The following CACNA2D2 variants were observed in gnomAD, a reference collection of about 807,000 sequenced individuals.
CACNA2D2 encodes the protein voltage-dependent calcium channel subunit alpha-2/delta-2.
In CACNA2D2, 48 loss-of-function variants were observed where a neutral mutation model predicts 166.4. The ratio of observed to expected loss-of-function variants is 0.29; its 90% confidence interval spans 0.23 to 0.37. The LOEUF is 0.37. CACNA2D2 is among the 10% of genes least tolerant of loss of function. The pLI is 1.00. For missense variants in CACNA2D2, 1,122 were observed against 1,433.0 expected (o/e 0.78, Z 3.50); for synonymous variants, 561 against 573.7 (o/e 0.98, Z 0.32).
chr3:50,480,177 A>T (rs1224964060), intron 1 of CACNA2D2, among the ~76,000 whole-genome samples: 1 of 151,992 alleles, frequency 6.6e-6, no homozygotes, highest in Admixed American at 6.6e-5. Context: ...ACTTGTCCTG[A>T]CTCCATCTAT....
rs1704584718 is a variant in CACNA2D2, at chr3:50,370,332, A to G, written c.2033T>C (p.Phe678Ser). ...ACACGCAAGCTACCTGGGAGCAATG[A>G]AAACGTGTCCTTCAGACTCAAAGCT... ...PSSFESEGHV[F>S]IAPREYCKDL... is the part of the protein sequence containing the mutation. The change falls in exon 23 of 38, where the codon TTC (phenylalanine) becomes TCC (serine). Residue 678 changes from phenylalanine to serine, a missense_variant. Coordinates refer to ENST00000424201, the MANE Select transcript of CACNA2D2 (RefSeq NM_006030.4). 1.3e-6 allele frequency: 2 copies of G among 1,587,892 alleles called. No individual in the cohort carries two copies. Among genetic ancestry groups the G allele is most frequent in the Non-Finnish European group, 1.7e-6 (2 of 1,167,724 alleles).
intron 6 of CACNA2D2, 91 bp downstream of exon 6, chr3:50,384,105 C>T (rs1705463794): frequency 2.0e-6 from 3 of 1,524,484 alleles, no homozygotes; most frequent in East Asian, 2.3e-5. Context: ...TGGCACTGGC[C>T]TTCTGTCCCC....
At chr3:50,395,121 G>A (rs1706083634) in intron 3 of CACNA2D2, among the ~76,000 whole-genome samples, 1 of 152,206 alleles carries the variant, frequency 6.6e-6, no homozygotes, top group Non-Finnish European at 1.5e-5. Context: ...CTGCAGAGCT[G>A]AGAGCAGTGA....
At chr3:50,396,665 G>C (rs535717446) in intron 3 of CACNA2D2, among the ~76,000 whole-genome samples, 4 of 152,334 alleles carry the variant, frequency 2.6e-5, no homozygotes, top group African/African-American at 7.2e-5. Context: ...AGCACCTGCA[G>C]TACAGCAGGT....
intron 2 of CACNA2D2, among the ~76,000 whole-genome samples, chr3:50,437,047 T>C (rs1276920067): frequency 1.3e-5 from 2 of 152,192 alleles, no homozygotes; most frequent in African/African-American, 4.8e-5. Context: ...ACCTGGCAAA[T>C]GCATATGCTG....
intron 2 of CACNA2D2, among the ~76,000 whole-genome samples, chr3:50,462,920 GGGAAGGAT>G (rs759231034): frequency 6.6e-6 from 1 of 152,072 alleles, no homozygotes; most frequent in Non-Finnish European, 1.5e-5. Context: ...AGGCTGGGAG[GGGAAGGAT>G]AGAAGGATAG....
chr3:50,429,493 C>T (rs1327691414), intron 3 of CACNA2D2, among the ~76,000 whole-genome samples: 1 of 148,878 alleles, frequency 6.7e-6, no homozygotes, highest in Non-Finnish European at 1.5e-5. Context: ...TGGCTCACGC[C>T]AGTAATCCCA....
At chr3:50,388,012 C>T (rs1705698438) in intron 4 of CACNA2D2, among the ~76,000 whole-genome samples, 1 of 152,208 alleles carries the variant, frequency 6.6e-6, no homozygotes, top group African/African-American at 2.4e-5. Context: ...CCGCATCTTC[C>T]AATTTCTTCT....
Position 50,375,975 on chromosome 3 carries a change from C to T in CACNA2D2, c.1761G>A (p.Glu587=), listed in dbSNP as rs1704960892. Residue 587 remains glutamate, a synonymous_variant, in exon 19 of 38, where the codon GAG becomes GAA. Transcript: ENST00000424201. This position sits in a 1 kb window ranked among gnomAD's most constrained non-coding sequence, Gnocchi z 4.0. ...CTCCTCTCCTTACCTCTTCCTTGTT[C>T]TCATCCTCTAGCTCCGCATCCAGGA... ...LDFLDAELED[E]NKEEIRRSMI... 6.2e-7 allele frequency: 1 copy of T among 1,613,232 alleles called. No homozygotes were observed. The highest frequency in any genetic ancestry group is 8.5e-7 in the Non-Finnish European group (1 of 1,180,002).
intron 1 of CACNA2D2, among the ~76,000 whole-genome samples, chr3:50,483,186 A>G (rs1013325280): frequency 6.6e-6 from 1 of 152,092 alleles, no homozygotes; most frequent in African/African-American, 2.4e-5. Flanking sequence ...TCTTCAATCT[A>G]TTTGTGATTC....
rs540158992 is a variant in CACNA2D2 at position 50,466,295 on chromosome 3, T to C, written c.288+9823A>G. On this transcript the variant is annotated intron_variant, in intron 2 of 37. Coordinates refer to ENST00000424201, the MANE Select transcript of CACNA2D2 (RefSeq NM_006030.4). Reference sequence around the variant, plus strand: ...GCATGTGTGTGTGTGTGTGTGTGTGTGCTCCTCACCCACAATTGAGATTTC... The same window carrying C: ...GCATGTGTGTGTGTGTGTGTGTGTGCGCTCCTCACCCACAATTGAGATTTC... Among the ~76,000 whole-genome samples the C allele has an allele frequency of 3.1e-4, 47 of 150,252 alleles. 1 individual carries two copies. In the East Asian group the frequency reaches 6.3e-3, roughly 20 times the overall value.
intron 4 of CACNA2D2, among the ~76,000 whole-genome samples, chr3:50,393,763 T>C (rs2298955): frequency 0.22 from 33,808 of 152,126 alleles, 4,634 homozygotes; most frequent in East Asian, 0.48. Flanking sequence ...GTCACTGTAT[T>C]AAAGCCTCTG....
rs764916520 is a variant in CACNA2D2 at position 50,378,001 on chromosome 3, G to A, written c.1479+7C>T. The A allele has an allele frequency of 6.8e-6, 11 of 1,613,154 alleles. No individual in the cohort carries two copies. The highest frequency in any genetic ancestry group is 1.6e-4 in the Middle Eastern group (1 of 6,062). The stretch of plus-strand genomic sequence containing the variant: ...AGCCCCACCCCTTCCTTGTCCAGAG[G>A]CCTTACCAGTGCATCCTCATACACG... On this transcript the variant is annotated splice_region_variant and intron_variant, in intron 15 of 37. Transcript: ENST00000424201.
chr3:50,426,253 A>G (rs1339806715), intron 3 of CACNA2D2, among the ~76,000 whole-genome samples: 7 of 152,238 alleles, frequency 4.6e-5, no homozygotes. Flanking sequence ...CACAGCAAGT[A>G]GAGACTGGAA....
intron 2 of CACNA2D2, among the ~76,000 whole-genome samples, chr3:50,470,893 C>T (rs1710057035): frequency 6.6e-6 from 1 of 152,124 alleles, no homozygotes; most frequent in Non-Finnish European, 1.5e-5. Context: ...GACGCCCTCC[C>T]GGGAGCCCCC....
At chr3:50,488,245 T>A (rs1401362292) in intron 1 of CACNA2D2, among the ~76,000 whole-genome samples, 2 of 152,132 alleles carry the variant, frequency 1.3e-5, no homozygotes, top group Non-Finnish European at 2.9e-5. Context: ...CACCGAGGCC[T>A]GCAGAATTCC....
In CACNA2D2 at chr3:50,367,570, G is replaced by A; in HGVS notation, c.2297+72C>T. The A allele has an allele frequency of 6.2e-7, 1 of 1,601,170 alleles. No individual in the cohort carries two copies. Among genetic ancestry groups the A allele is most frequent in the East Asian group, 2.3e-5 (1 of 43,768 alleles). ...GGACAGTGGTCTCCACAGATGCAAG[G>A]AGGCCTCTGGGCAGAACAGATGCAG... On this transcript the variant is annotated intron_variant, in intron 26 of 37. Coordinates refer to ENST00000424201, the MANE Select transcript of CACNA2D2 (RefSeq NM_006030.4). This position sits in a 1 kb window ranked among gnomAD's most constrained non-coding sequence, Gnocchi z 6.5.
chr3:50,451,130 G>T (rs1420838114), intron 2 of CACNA2D2, among the ~76,000 whole-genome samples: 1 of 152,032 alleles, frequency 6.6e-6, no homozygotes, highest in Non-Finnish European at 1.5e-5. Flanking sequence ...CCCACCAGGG[G>T]CTGTTTTTTT....
chr3:50,376,925 G>T lies in CACNA2D2; in HGVS notation c.1626+542C>A, dbSNP rs1023931037. On this transcript the variant is annotated intron_variant, in intron 17 of 37. Coordinates refer to ENST00000424201, the MANE Select transcript of CACNA2D2 (RefSeq NM_006030.4). This position sits in a 1 kb window ranked among gnomAD's most constrained non-coding sequence, Gnocchi z 4.3. Reference sequence around the variant, plus strand: ...TTTCACCTTTGGGCCCTTGGCCAGAGAATTCCCTCTGCCTCCAATGTACGC... The same window carrying T: ...TTTCACCTTTGGGCCCTTGGCCAGATAATTCCCTCTGCCTCCAATGTACGC... Among the ~76,000 whole-genome samples the T allele has an allele frequency of 2.4e-4, 36 of 152,200 alleles. No homozygotes were observed. Among genetic ancestry groups the T allele is most frequent in the African/African-American group, 8.2e-4 (34 of 41,456 alleles).
Sources: gnomAD v4.1 joint callset for allele counts (sites outside exome capture counted in the v4.1 genomes callset) on GRCh38, gnomAD v4.1.1 for gene constraint, Gnocchi (gnomAD v3.1) non-coding constraint, MANE v1.5 for transcripts, NCBI Gene and HGNC (gene_info 2026-07-23, HGNC 2026-07-21) for gene names.